Variants in BBS9 observed in about 807,000 individuals in gnomAD.
BBS9 encodes Bardet-Biedl syndrome 9, also known as protein PTHB1.
In BBS9, 89 loss-of-function variants were observed where a neutral mutation model predicts 117.7. The observed-to-expected ratio is 0.76, with a 90% CI of 0.64 to 0.90. BBS9 has a LOEUF of 0.90. Ranked by LOEUF, BBS9 falls within the 40% of genes least tolerant of loss-of-function variation. The probability of loss-of-function intolerance (pLI) is 0.00; values close to 1 mark genes in which losing one functional copy is unlikely to be tolerated. For missense variants in BBS9, 982 were observed against 1,042.2 expected, an observed-to-expected ratio of 0.94 and a Z score of 0.80; for synonymous variants, 379 against 370.9, an observed-to-expected ratio of 1.02 and a Z score of -0.25.
chr7:33,559,386 G>T (rs1291345440), intron 21 of BBS9, among the ~76,000 whole-genome samples: 1 of 152,096 alleles, frequency 6.6e-6, no homozygotes, highest in Admixed American at 6.5e-5. Flanking sequence ...AATGGAGTTA[G>T]CCAACGATGA....
intron 5 of BBS9, among the ~76,000 whole-genome samples, chr7:33,186,798 G>T (rs1783207692): frequency 6.6e-6 from 1 of 152,000 alleles, no homozygotes; most frequent in Non-Finnish European, 1.5e-5. Context: ...GTGATTTTGG[G>T]TTCTAAAAAA....
chr7:33,274,665 A>G (rs181710307), intron 9 of BBS9, among the ~76,000 whole-genome samples: 21 of 152,284 alleles, frequency 1.4e-4, no homozygotes, highest in African/African-American at 5.1e-4. Context: ...AGATGTATTC[A>G]GTTCTACTTA....
chr7:33,399,210 T>C (rs1289683985), intron 19 of BBS9, among the ~76,000 whole-genome samples: 1 of 152,194 alleles, frequency 6.6e-6, no homozygotes, highest in Admixed American at 6.5e-5. Flanking sequence ...TTTCTTGTGA[T>C]GTCTTTTTTC....
chr7:33,358,349 G>A (rs911393861), intron 16 of BBS9, among the ~76,000 whole-genome samples: 3 of 151,680 alleles, frequency 2.0e-5, no homozygotes, highest in Admixed American at 2.0e-4. Context: ...TCTTCTAAGT[G>A]TATAAATATT....
intron 19 of BBS9, among the ~76,000 whole-genome samples, chr7:33,399,646 C>T (rs1828586806): frequency 6.6e-6 from 1 of 152,092 alleles, no homozygotes. Flanking sequence ...CTTAAATTTT[C>T]ATCAATTCGG....
chr7:33,368,629 T>C (rs1338910710), intron 17 of BBS9, among the ~76,000 whole-genome samples: 2 of 145,000 alleles, frequency 1.4e-5, no homozygotes, highest in African/African-American at 5.4e-5. Flanking sequence ...CATACCCCCT[T>C]GAAATAGTCT....
At chr7:33,575,028 T>C (rs752177020) in intron 21 of BBS9, among the ~76,000 whole-genome samples, 1 of 152,082 alleles carries the variant, frequency 6.6e-6, no homozygotes, top group Non-Finnish European at 1.5e-5. Flanking sequence ...TCTACTATTA[T>C]GTAACCTTAT....
chr7:33,323,860 C>T (rs138330459), intron 9 of BBS9, among the ~76,000 whole-genome samples: 8,343 of 109,462 alleles, frequency 0.076, 310 homozygotes, highest in Middle Eastern at 0.14. Flanking sequence ...TTTTTTGAGA[C>T]AGGGTCTTGC....
intron 9 of BBS9, among the ~76,000 whole-genome samples, chr7:33,307,350 A>G (rs1223376200): frequency 6.6e-6 from 1 of 152,158 alleles, no homozygotes; most frequent in Non-Finnish European, 1.5e-5. Context: ...TTTGAAGAGC[A>G]TGTGTTTGTT....
chr7:33,342,254 T>G lies in BBS9; in HGVS notation c.1275+1281T>G, dbSNP rs1357573282. Among the ~76,000 whole-genome samples the G allele has an allele frequency of 3.3e-5, 5 of 152,218 alleles. No individual in the cohort carries two copies. In the South Asian group the frequency reaches 1.0e-3, roughly 32 times the overall value. ...GAAACATTCACCCAGCTGAGTCACATAGTAGAGGCACTGTTTTAAATATTG... is the reference window on the plus strand; with the variant it reads ...GAAACATTCACCCAGCTGAGTCACAGAGTAGAGGCACTGTTTTAAATATTG... On this transcript the variant is annotated intron_variant, in intron 11 of 22. Coordinates refer to ENST00000242067, the MANE Select transcript of BBS9 (RefSeq NM_198428.3).
chr7:33,205,564 A>G (rs1344981728), intron 5 of BBS9, among the ~76,000 whole-genome samples: 3 of 152,194 alleles, frequency 2.0e-5, no homozygotes, highest in Non-Finnish European at 2.9e-5. Flanking sequence ...CTTCAGGTAC[A>G]AGGATATCAT....
chr7:33,164,506 G>A (rs574575749), intron 4 of BBS9, among the ~76,000 whole-genome samples: 2 of 152,298 alleles, frequency 1.3e-5, no homozygotes, highest in South Asian at 4.1e-4. Flanking sequence ...TTATGAATCT[G>A]GGTGCTCCAG....
chr7:33,231,449 A>G (rs1220519881), intron 5 of BBS9, among the ~76,000 whole-genome samples: 1 of 86,736 alleles, frequency 1.2e-5, no homozygotes. Context: ...TTTTTTTGCC[A>G]GGACCATATT....
chr7:33,205,850 C>T (rs1481590783), intron 5 of BBS9, among the ~76,000 whole-genome samples: 1 of 152,112 alleles, frequency 6.6e-6, no homozygotes, highest in Admixed American at 6.5e-5. Context: ...GTCATGTAGT[C>T]ACTGTCTTGA....
intron 16 of BBS9, among the ~76,000 whole-genome samples, chr7:33,358,808 A>G (rs1273564257): frequency 6.6e-6 from 1 of 151,964 alleles, no homozygotes; most frequent in Non-Finnish European, 1.5e-5. Context: ...GCATTAGTGG[A>G]TAAGATTTAG....
intron 20 of BBS9, among the ~76,000 whole-genome samples, chr7:33,528,478 A>G (rs533987650): frequency 6.6e-6 from 1 of 152,244 alleles, no homozygotes; most frequent in South Asian, 2.1e-4. Context: ...TATTATAAAC[A>G]TAGGTTTGTA....
At position 33,351,276 on chromosome 7, in the gene BBS9, C is replaced by T. The variant is rs1818598379; in HGVS notation, c.1490C>T (p.Pro497Leu). 1.2e-6 allele frequency: 2 copies of T among 1,613,158 alleles called. No homozygotes were observed. The highest frequency in any genetic ancestry group is 1.7e-6 in the Non-Finnish European group (2 of 1,179,322). The change falls in exon 14 of 23, where the codon CCA (proline) becomes CTA (leucine). Residue 497 changes from proline to leucine, a missense_variant. Physicochemically the swap from Pro to Leu is moderately conservative, Grantham distance 98 (BLOSUM62 -3). Coordinates refer to ENST00000242067, the MANE Select transcript of BBS9 (RefSeq NM_198428.3). ...GTTTATCTGAAAAGAAGTTATACAC[C>T]ATCAGAATTGGAAGGAAATGCTGTT... is the stretch of plus-strand genomic sequence containing the variant. ...FSVYLKRSYT[P>L]SELEGNAVVS...
At chr7:33,215,378 A>C (rs1465609029) in intron 5 of BBS9, among the ~76,000 whole-genome samples, 1 of 152,256 alleles carries the variant, frequency 6.6e-6, no homozygotes, top group African/African-American at 2.4e-5. Context: ...CAAAGATGCC[A>C]AGAATATACA....
chr7:33,409,101 A>G (rs976597822), intron 19 of BBS9, among the ~76,000 whole-genome samples: 6 of 151,930 alleles, frequency 3.9e-5, no homozygotes, highest in Admixed American at 2.6e-4. Flanking sequence ...CTCATTCTTT[A>G]GGTTGTATGT....
Sources: gnomAD v4.1 joint callset for allele counts (sites outside exome capture counted in the v4.1 genomes callset) on GRCh38, gnomAD v4.1.1 for gene constraint, MANE v1.5 for transcripts, NCBI Gene and HGNC (gene_info 2026-07-23, HGNC 2026-07-21) for gene names.